USP31: variants seen among roughly 807,000 people sequenced by gnomAD.
The protein encoded by USP31 is ubiquitin specific peptidase 31.
In USP31, 44 loss-of-function variants were observed where a neutral mutation model predicts 119.4. That is an observed-to-expected ratio of 0.37 (90% CI 0.29 to 0.47). The LOEUF (loss-of-function observed/expected upper bound fraction) is 0.47. USP31 is among the 20% of genes least tolerant of loss of function. The probability of loss-of-function intolerance (pLI) is 0.99; values close to 1 mark genes in which losing one functional copy is unlikely to be tolerated. For synonymous variants in USP31, 749 were observed against 705.6 expected (o/e 1.06, Z -0.97); for missense variants, 1,643 against 1,730.2 (o/e 0.95, Z 0.89).
intron 1 of USP31, among the ~76,000 whole-genome samples, chr16:23,123,815 C>G (rs1902759394): frequency 6.6e-6 from 1 of 151,988 alleles, no homozygotes; most frequent in Non-Finnish European, 1.5e-5. Flanking sequence ...GCCCAGGCAA[C>G]AAAGAGAGAC....
At chr16:23,117,917 T>C (rs761178927) in intron 1 of USP31, among the ~76,000 whole-genome samples, 1 of 152,104 alleles carries the variant, frequency 6.6e-6, no homozygotes, top group Non-Finnish European at 1.5e-5. Context: ...AGCCTCCAAG[T>C]AGCTGGGACT....
chr16:23,128,800 G>A (rs1005939096), intron 1 of USP31, among the ~76,000 whole-genome samples: 1 of 152,090 alleles, frequency 6.6e-6, no homozygotes, highest in African/African-American at 2.4e-5. Context: ...TTGCCAAAAA[G>A]AGGAGAAAAA....
chr16:23,148,680 G>C lies in USP31; in HGVS notation c.591C>G (p.Leu197=). ...TEQLAHLVRA[L]WTLEYTPQHS... ...GCTGCGGGGTGTACTCCAGGGTCCAGAGGGCCCGCACCAGGTGCGCCAGCT... is the reference window on the plus strand; with the variant it reads ...GCTGCGGGGTGTACTCCAGGGTCCACAGGGCCCGCACCAGGTGCGCCAGCT... The change falls in exon 1 of 16, where the codon CTC becomes CTG. Residue 197 remains leucine, a synonymous_variant. Coordinates refer to ENST00000219689, the MANE Select transcript of USP31 (RefSeq NM_020718.4). The C allele has an allele frequency of 2.0e-6, 3 of 1,495,784 alleles. No individual in the cohort carries two copies. Among genetic ancestry groups the C allele is most frequent in the Non-Finnish European group, 2.7e-6 (3 of 1,125,966 alleles). 92.7% of individuals were successfully genotyped at this position (1,495,784 alleles called of 1,614,324 possible).
intron 13 of USP31, among the ~76,000 whole-genome samples, chr16:23,075,668 G>GA (rs1231026939): frequency 2.6e-5 from 4 of 152,148 alleles, no homozygotes; most frequent in Admixed American, 6.5e-5. Flanking sequence ...TTTTAAAGTA[G>GA]AAAAAACCAA....
At chr16:23,106,591 T>G in intron 2 of USP31, 104 bp from the exon 3 acceptor site, 1 of 1,146,886 alleles carries the variant, frequency 8.7e-7, no homozygotes, top group Admixed American at 2.6e-5. Flanking sequence ...TTACAAGCTA[T>G]GCATCAAGTG....
At chr16:23,089,274 C>T (rs182396074) in intron 7 of USP31, among the ~76,000 whole-genome samples, 20 of 152,272 alleles carry the variant, frequency 1.3e-4, no homozygotes, top group Non-Finnish European at 2.4e-4. Flanking sequence ...GGACGTCTTC[C>T]CTGACCTCCC....
Position 23,105,442 on chromosome 16 carries a change from T to C in USP31, c.1088A>G (p.Gln363Arg). 18 of 1,612,024 alleles carry C rather than the reference T, an allele frequency of 1.1e-5. No homozygotes were observed. The highest frequency in any genetic ancestry group is 1.5e-5 in the Non-Finnish European group (18 of 1,179,194). Residue 363 changes from glutamine to arginine, a missense_variant and splice_region_variant, in exon 5 of 16, where the codon CAG becomes CGG. Around this residue, in one of 5 missense-constraint regions of USP31, gnomAD observed 219 missense variants for 226.4 expected, o/e 0.97. Transcript: ENST00000219689. ...AACTGGTCTTAGCAGACTTATTACCTGATCAGTGGGGATCTTTGTTTCCAT... is the reference window on the plus strand; with the variant it reads ...AACTGGTCTTAGCAGACTTATTACCCGATCAGTGGGGATCTTTGTTTCCAT... ...VSMETKIPTD[Q>R]IVLTEMYYDG... is the part of the protein sequence containing the mutation.
chr16:23,081,162 G>A (rs972631084), intron 12 of USP31, among the ~76,000 whole-genome samples: 4 of 152,192 alleles, frequency 2.6e-5, no homozygotes. Flanking sequence ...GGACAAGAAA[G>A]AAGAGTCAAA....
chr16:23,074,604 T>TATCAAG (rs1179983450), intron 13 of USP31, among the ~76,000 whole-genome samples: 1 of 152,194 alleles, frequency 6.6e-6, no homozygotes, highest in Non-Finnish European at 1.5e-5. Flanking sequence ...ATCAAGTCCT[T>TATCAAG]GGCTTGCACT....
At chr16:23,136,813 A>G (rs188764062) in intron 1 of USP31, among the ~76,000 whole-genome samples, 88 of 152,384 alleles carry the variant, frequency 5.8e-4, no homozygotes, top group Non-Finnish European at 1.2e-3. Flanking sequence ...ACAAAAAACT[A>G]ATTCAAAAAT....
chr16:23,106,369 A>G, intron 3 of USP31, 30 bp downstream of exon 3: 1 of 1,613,656 alleles, frequency 6.2e-7, no homozygotes, highest in Non-Finnish European at 8.5e-7. Flanking sequence ...AGGTAAACAA[A>G]ATAAGTGGAA....
chr16:23,086,417 ATTATT>A (rs1302761818), intron 9 of USP31, among the ~76,000 whole-genome samples: 2 of 151,836 alleles, frequency 1.3e-5, no homozygotes, highest in East Asian at 3.9e-4. Flanking sequence ...ATATATGTAT[ATTATT>A]TTATTAATAC....
chr16:23,073,620 C>T, intron 14 of USP31, 102 bp downstream of exon 14: 2 of 1,381,548 alleles, frequency 1.4e-6, no homozygotes, highest in Non-Finnish European at 2.0e-6. Context: ...TTCATCTGAT[C>T]AAACTGACAG....
intron 6 of USP31, 110 bp downstream of exon 6, chr16:23,102,209 A>C (rs1901906166): frequency 2.5e-6 from 3 of 1,181,566 alleles, no homozygotes; most frequent in Non-Finnish European, 3.4e-6. Context: ...TGTGTATTTT[A>C]CCACAATTTA....
intron 1 of USP31, among the ~76,000 whole-genome samples, chr16:23,124,042 G>A (rs1902767506): frequency 6.6e-6 from 1 of 151,920 alleles, no homozygotes; most frequent in Non-Finnish European, 1.5e-5. Flanking sequence ...AGGAGGTACA[G>A]GATCCCAGAA....
chr16:23,124,263 C>T (rs749837022), intron 1 of USP31, among the ~76,000 whole-genome samples: 4 of 152,108 alleles, frequency 2.6e-5, no homozygotes, highest in Non-Finnish European at 5.9e-5. Context: ...CAAGGAACAA[C>T]TGAGTATGTC....
At chr16:23,124,140 T>C (rs774311349) in intron 1 of USP31, among the ~76,000 whole-genome samples, 3 of 151,952 alleles carry the variant, frequency 2.0e-5, no homozygotes, top group African/African-American at 7.3e-5. Context: ...TCGAACAATA[T>C]AGCAATCCAG....
intron 11 of USP31, 81 bp downstream of exon 11, chr16:23,084,779 G>C: frequency 6.4e-7 from 1 of 1,571,240 alleles, no homozygotes; most frequent in Non-Finnish European, 8.7e-7. Context: ...TCTGGGGCGT[G>C]ATTTGTTTCT....
intron 6 of USP31, among the ~76,000 whole-genome samples, chr16:23,095,504 A>T (rs1596705581): frequency 6.6e-6 from 1 of 152,310 alleles, no homozygotes; most frequent in East Asian, 1.9e-4. Context: ...AGAACACCAC[A>T]AAGATACTCC....
Sources: allele counts gnomAD v4.1 joint callset (sites outside exome capture counted in the v4.1 genomes callset), GRCh38; gene constraint gnomAD v4.1.1; regional missense constraint gnomAD v4.1.1; transcripts MANE v1.5; gene names NCBI Gene and HGNC (gene_info 2026-07-23, HGNC 2026-07-21).